Variants in DOCK3 observed in about 807,000 individuals in gnomAD.
DOCK3 encodes the protein dedicator of cytokinesis protein 3.
Under a neutral mutation model 265.6 loss-of-function variants are expected in DOCK3, and 60 were observed. The ratio of observed to expected loss-of-function variants is 0.23; its 90% CI spans 0.18 to 0.28. The LOEUF (loss-of-function observed/expected upper bound fraction) is 0.28, where lower values mean the gene tolerates loss of function less well. Ranked by LOEUF, DOCK3 falls within the 10% of genes least tolerant of loss-of-function variation. DOCK3 has a pLI of 1.00. For missense variants in DOCK3, 1,981 were observed against 2,594.3 expected, an observed-to-expected ratio of 0.76 and a Z score of 5.14; for synonymous variants, 881 against 938.0, an observed-to-expected ratio of 0.94 and a Z score of 1.11.
chr3:51,194,866 C>T (rs1361519745), intron 12 of DOCK3, among the ~76,000 whole-genome samples: 1 of 146,312 alleles, frequency 6.8e-6, no homozygotes, highest in Non-Finnish European at 1.5e-5. Flanking sequence ...CGCTCTGTCA[C>T]CAGGCTGCAG....
At chr3:50,689,393 AACATGTCCTTCTTC>A (rs1345205698) in intron 1 of DOCK3, among the ~76,000 whole-genome samples, 1 of 152,202 alleles carries the variant, frequency 6.6e-6, no homozygotes, top group East Asian at 1.9e-4. Context: ...AGGGGAAGCA[AACATGTCCTTCTTC>A]ACATGGCAAC....
intron 12 of DOCK3, among the ~76,000 whole-genome samples, chr3:51,191,967 G>T (rs143373572): frequency 2.3e-4 from 34 of 149,758 alleles, no homozygotes; most frequent in African/African-American, 7.6e-4. Flanking sequence ...CATTCAACAG[G>T]TTGTCTGTTT....
At chr3:50,916,657 A>G (rs2050142767) in intron 4 of DOCK3, among the ~76,000 whole-genome samples, 1 of 151,898 alleles carries the variant, frequency 6.6e-6, no homozygotes, top group Admixed American at 6.6e-5. Flanking sequence ...AAGTAGAAAA[A>G]AATTAGCTGG....
intron 12 of DOCK3, among the ~76,000 whole-genome samples, chr3:51,170,258 T>G (rs1406871438): frequency 6.6e-6 from 1 of 152,136 alleles, no homozygotes; most frequent in Non-Finnish European, 1.5e-5. Context: ...ATGTTGGCAT[T>G]GTAAAATGGG....
intron 2 of DOCK3, among the ~76,000 whole-genome samples, chr3:50,791,406 G>A (rs568061004): frequency 1.9e-4 from 29 of 151,930 alleles, no homozygotes; most frequent in Non-Finnish European, 3.5e-4. Context: ...AGGGACTACA[G>A]GTGCACGCTA....
chr3:51,342,443 C>T (rs965746751), intron 38 of DOCK3, among the ~76,000 whole-genome samples: 2 of 152,238 alleles, frequency 1.3e-5, no homozygotes, highest in Admixed American at 6.5e-5. Flanking sequence ...GCTGATCCAG[C>T]GCCTGACACA....
intron 1 of DOCK3, among the ~76,000 whole-genome samples, chr3:50,727,710 A>G (rs760457728): frequency 1.4e-4 from 22 of 152,164 alleles, no homozygotes; most frequent in Non-Finnish European, 2.9e-4. Flanking sequence ...AAACAAAACA[A>G]AACAAAAAAG....
intron 2 of DOCK3, among the ~76,000 whole-genome samples, chr3:50,811,063 A>G (rs1032479025): frequency 3.3e-5 from 5 of 152,204 alleles, no homozygotes; most frequent in Non-Finnish European, 7.3e-5. Flanking sequence ...ATAAGCAATC[A>G]GAATATAAAA....
intron 9 of DOCK3, among the ~76,000 whole-genome samples, chr3:51,106,293 C>G (rs1457409941): frequency 1.3e-5 from 2 of 152,172 alleles, no homozygotes; most frequent in Non-Finnish European, 2.9e-5. Flanking sequence ...TGTGGGTACC[C>G]ACATCATAGC....
chr3:51,085,034 T>C (rs2082370850), intron 7 of DOCK3, among the ~76,000 whole-genome samples: 1 of 152,176 alleles, frequency 6.6e-6, no homozygotes, highest in East Asian at 1.9e-4. Flanking sequence ...ATAGCTATAC[T>C]TATATCAGAG....
At chr3:50,982,931 T>C (rs1399311588) in intron 5 of DOCK3, among the ~76,000 whole-genome samples, 1 of 152,136 alleles carries the variant, frequency 6.6e-6, no homozygotes, top group Non-Finnish European at 1.5e-5. Flanking sequence ...TGGGCATCTC[T>C]GCACTCTTGG....
chr3:51,082,531 C>T lies in DOCK3; in HGVS notation c.550-6712C>T, dbSNP rs559514977. ...GAACCTGAGAGCTGCATGTCTGGGGCTACTGCCACTGATAGCAACCCTGCT... is the reference window on the plus strand; with the variant it reads ...GAACCTGAGAGCTGCATGTCTGGGGTTACTGCCACTGATAGCAACCCTGCT... On this transcript the variant is annotated intron_variant, in intron 7 of 52. Coordinates refer to ENST00000266037, the MANE Select transcript of DOCK3 (RefSeq NM_004947.5). Among the ~76,000 whole-genome samples the T allele has an allele frequency of 7.2e-5, 11 of 152,290 alleles. No individual in the cohort carries two copies. The East Asian group carries it at 1.9e-3, about 27-fold the overall frequency.
chr3:51,376,868 C>T (rs1197955426), intron 51 of DOCK3, among the ~76,000 whole-genome samples: 1 of 152,224 alleles, frequency 6.6e-6, no homozygotes, highest in Non-Finnish European at 1.5e-5. Flanking sequence ...GGTGCCCCAC[C>T]ACAAAGGGCC....
intron 5 of DOCK3, among the ~76,000 whole-genome samples, chr3:51,013,563 G>A (rs758640322): frequency 2.0e-5 from 3 of 152,074 alleles, no homozygotes; most frequent in Non-Finnish European, 2.9e-5. Context: ...AGGGGCATCC[G>A]GCTGTATGAA....
chr3:51,006,768 C>T (rs934998584), intron 5 of DOCK3, among the ~76,000 whole-genome samples: 13 of 152,294 alleles, frequency 8.5e-5, no homozygotes, highest in Middle Eastern at 3.4e-3. Context: ...TGCTCTCCCT[C>T]CCTGCTCCCC....
chr3:51,114,544 A>G (rs2083652128), intron 9 of DOCK3, among the ~76,000 whole-genome samples: 1 of 152,232 alleles, frequency 6.6e-6, no homozygotes, highest in South Asian at 2.1e-4. Flanking sequence ...CTGAGGAATG[A>G]AAGAGCAGTG....
intron 5 of DOCK3, among the ~76,000 whole-genome samples, chr3:50,947,860 C>CTT (rs759293427): frequency 2.0e-4 from 26 of 133,280 alleles, no homozygotes; most frequent in Admixed American, 1.6e-3. Flanking sequence ...TGCAGTTTTT[C>CTT]TTTTTTTTTT....
At chr3:51,062,244 A>G (rs2081435880) in intron 5 of DOCK3, among the ~76,000 whole-genome samples, 1 of 152,178 alleles carries the variant, frequency 6.6e-6, no homozygotes, top group African/African-American at 2.4e-5. Context: ...TTAGAATAAA[A>G]GCCAAAGCCT....
rs1052621876 is a variant in DOCK3 at position 51,157,120 on chromosome 3, G to T, written c.829-2124G>T. ...TTTCAATATCAAACACAACTTTCATGTAAAAATATATCTTTGTGATTCCAG... is the reference window on the plus strand; with the variant it reads ...TTTCAATATCAAACACAACTTTCATTTAAAAATATATCTTTGTGATTCCAG... On this transcript the variant is annotated intron_variant, in intron 10 of 52. Coordinates refer to ENST00000266037, the MANE Select transcript of DOCK3 (RefSeq NM_004947.5). 2.0e-5 allele frequency among the ~76,000 whole-genome samples: 3 copies of T among 150,710 alleles called. No homozygotes were observed. The South Asian group carries it at 6.4e-4, about 32-fold the overall frequency.
Sources: gnomAD v4.1 joint callset for allele counts (sites outside exome capture counted in the v4.1 genomes callset) on GRCh38, gnomAD v4.1.1 for gene constraint, MANE v1.5 for transcripts, NCBI Gene and HGNC (gene_info 2026-07-23, HGNC 2026-07-21) for gene names.